Variants in CDIP1 observed in about 807,000 individuals in gnomAD.
CDIP1 encodes the protein cell death-inducing p53-target protein 1.
CDIP1 carries 9 observed loss-of-function variants against 17.7 expected under a neutral mutation model. The ratio of observed to expected loss-of-function variants is 0.51; its 90% confidence interval spans 0.31 to 0.89. CDIP1 has a LOEUF of 0.89. Among genes scored for constraint, CDIP1 ranks in the 40% least tolerant of loss-of-function variants. The probability of loss-of-function intolerance (pLI) is 0.05; values close to 1 mark genes in which losing one functional copy is unlikely to be tolerated. For missense variants in CDIP1, 263 were observed against 277.9 expected, an observed-to-expected ratio of 0.95 and a Z score of 0.38; for synonymous variants, 117 against 109.5, an observed-to-expected ratio of 1.07 and a Z score of -0.43.
intron 1 of CDIP1, among the ~76,000 whole-genome samples, chr16:4,537,623 G>A (rs1001318895): frequency 2.0e-5 from 3 of 152,212 alleles, no homozygotes; most frequent in African/African-American, 4.8e-5. Flanking sequence ...AGCTGCGCCC[G>A]GGAATGATCT....
At chr16:4,529,860 G>A (rs776919695) in intron 1 of CDIP1, among the ~76,000 whole-genome samples, 1 of 152,248 alleles carries the variant, frequency 6.6e-6, no homozygotes, top group Non-Finnish European at 1.5e-5. Flanking sequence ...CACCCAGGTG[G>A]AAGAGTCTTA....
chr16:4,527,541 A>AC (rs111245281), intron 1 of CDIP1, among the ~76,000 whole-genome samples: 4,431 of 152,236 alleles, frequency 0.029, 201 homozygotes, highest in African/African-American at 0.098. Flanking sequence ...CTCCTGGCAA[A>AC]CCACTCTCAC....
rs897283842 is a variant in CDIP1, at chr16:4,514,816, C to G, written c.-104-152G>C. 2 of 152,800 alleles carry G rather than the reference C, an allele frequency of 1.3e-5. No homozygotes were observed. The highest frequency in any genetic ancestry group is 4.8e-5 in the African/African-American group (2 of 41,468). 9.5% of individuals were successfully genotyped at this position (152,800 alleles called of 1,614,324 possible). On this transcript the variant is annotated intron_variant, in intron 1 of 5. Coordinates refer to ENST00000567695, the MANE Select transcript of CDIP1 (RefSeq NM_013399.3). The surrounding 1 kb of genome is among the most constrained non-coding windows in gnomAD (Gnocchi z 5.2). ...TCACTCTGCCATCCACACACCCGAC[C>G]ACCCCTCCATTCCTCGGTCCCGTCG...
intron 1 of CDIP1, among the ~76,000 whole-genome samples, chr16:4,522,960 G>C (rs2058965794): frequency 6.6e-6 from 1 of 152,204 alleles, no homozygotes; most frequent in Non-Finnish European, 1.5e-5. Flanking sequence ...ATTAAGTAAG[G>C]CATGGATATA....
Position 4,513,571 on chromosome 16 carries a change from G to T in CDIP1, c.241+125C>A. On this transcript the variant is annotated intron_variant, in intron 4 of 5. Coordinates refer to ENST00000567695, the MANE Select transcript of CDIP1 (RefSeq NM_013399.3). The surrounding 1 kb of genome is among the most constrained non-coding windows in gnomAD (Gnocchi z 4.1). Reference sequence around the variant, plus strand: ...ACACACAGCCTGAGCCCTAGGCAAGGGCTGGTTGGGCGTGTTGGAGTCCCT... The same window carrying T: ...ACACACAGCCTGAGCCCTAGGCAAGTGCTGGTTGGGCGTGTTGGAGTCCCT... 1.2e-6 allele frequency: 1 copy of T among 801,278 alleles called. No individual in the cohort carries two copies. Among genetic ancestry groups the T allele is most frequent in the Middle Eastern group, 3.8e-4 (1 of 2,642 alleles). The allele number at this position is 801,278 out of a possible 1,614,324, so 49.6% of individuals were successfully genotyped here.
chr16:4,530,396 T>C (rs1276939769), intron 1 of CDIP1, among the ~76,000 whole-genome samples: 1 of 152,212 alleles, frequency 6.6e-6, no homozygotes, highest in Non-Finnish European at 1.5e-5. Flanking sequence ...ACGCCTGTAA[T>C]CCCAGCACTT....
chr16:4,524,377 G>A (rs1048103172), intron 1 of CDIP1: 13 of 152,266 alleles, frequency 8.5e-5, no homozygotes, highest in African/African-American at 3.1e-4. Flanking sequence ...ACTGGAGATT[G>A]CCAGCTGCAC....
chr16:4,524,621 A>G (rs1453011752), intron 1 of CDIP1, among the ~76,000 whole-genome samples: 1 of 152,190 alleles, frequency 6.6e-6, no homozygotes, highest in South Asian at 2.1e-4. Context: ...GATAGATGCC[A>G]TGGCTCCAGT....
intron 1 of CDIP1, among the ~76,000 whole-genome samples, chr16:4,515,411 A>C (rs1204597300): frequency 6.6e-6 from 1 of 152,224 alleles, no homozygotes; most frequent in East Asian, 1.9e-4. Flanking sequence ...ACCTTCGATT[A>C]GGCAGTGGTT....
At position 4,527,293 on chromosome 16, in the gene CDIP1, T is replaced by A. The variant is rs182062066; in HGVS notation, c.-105+11409A>T. Among the ~76,000 whole-genome samples the A allele has an allele frequency of 1.8e-4, 28 of 152,182 alleles. No individual in the cohort carries two copies. In the East Asian group the frequency reaches 5.0e-3, roughly 27 times the overall value. ...TAGTAGAGACGGGGTTTCACCGTGT[T>A]AGCCAGGGTGGTCTTGATCTCATGA... On this transcript the variant is annotated intron_variant, in intron 1 of 5. Transcript: ENST00000567695.
In CDIP1 at chr16:4,512,308, G is replaced by A. The variant is rs879269187; in HGVS notation, c.*264C>T. ...GAGACCCCTCCCAGCTTATCTTCCCGATCACACACACCAAGCAGACCAACA... is the reference window on the plus strand; with the variant it reads ...GAGACCCCTCCCAGCTTATCTTCCCAATCACACACACCAAGCAGACCAACA... On this transcript the variant is annotated 3_prime_UTR_variant, in exon 6 of 6. Coordinates refer to ENST00000567695, the MANE Select transcript of CDIP1 (RefSeq NM_013399.3). The surrounding 1 kb of genome is among the most constrained non-coding windows in gnomAD (Gnocchi z 4.6). 2 of 554,206 alleles carry A rather than the reference G, an allele frequency of 3.6e-6. No individual in the cohort carries two copies. The highest frequency in any genetic ancestry group is 3.1e-5 in the Admixed American group (1 of 32,126). The allele number at this position is 554,206 out of a possible 1,614,324, so 34.3% of individuals were successfully genotyped here. A position where few individuals can be genotyped will look rare whatever the true frequency, so the allele number is the denominator to read the frequency against.
At chr16:4,526,476 G>A (rs549996468) in intron 1 of CDIP1, among the ~76,000 whole-genome samples, 5 of 152,002 alleles carry the variant, frequency 3.3e-5, no homozygotes, top group African/African-American at 4.8e-5. Context: ...CAAGGCAGGC[G>A]GATCACAGAT....
In CDIP1 at chr16:4,534,554, C is replaced by T. The variant is rs116456627; in HGVS notation, c.-105+4148G>A. 3.6e-3 allele frequency among the ~76,000 whole-genome samples: 550 copies of T among 152,308 alleles called. 8 individuals are homozygous for T. The highest frequency in any genetic ancestry group is 0.013 in the African/African-American group (524 of 41,566). ...AGTCACTTAGACACTCTGGCTGCTG[C>T]CTCAGCTGGCCAAGTCCCACTGTGC... is the stretch of plus-strand genomic sequence containing the variant. On this transcript the variant is annotated intron_variant, in intron 1 of 5. Transcript: ENST00000567695.
chr16:4,531,243 T>C (rs1174489988), intron 1 of CDIP1, among the ~76,000 whole-genome samples: 1 of 151,936 alleles, frequency 6.6e-6, no homozygotes, highest in East Asian at 1.9e-4. Flanking sequence ...TTAGCCAGGA[T>C]GGTCTCGATC....
At position 4,512,787 on chromosome 16, in the gene CDIP1, C is replaced by T; in HGVS notation, c.515+4G>A. On this transcript the variant is annotated splice_donor_region_variant and intron_variant, in intron 5 of 5. Coordinates refer to ENST00000567695, the MANE Select transcript of CDIP1 (RefSeq NM_013399.3). This position sits in a 1 kb window ranked among gnomAD's most constrained non-coding sequence, Gnocchi z 4.6. ...CCCACCCTACCAGTGCCCACACCAC[C>T]TACCCCATGAAGCAACAGAAGAAAC... The T allele has an allele frequency of 6.3e-7, 1 of 1,585,784 alleles. No individual in the cohort carries two copies. The highest frequency in any genetic ancestry group is 8.6e-7 in the Non-Finnish European group (1 of 1,165,630).
At chr16:4,538,254 A>G (rs1166763939) in intron 1 of CDIP1, 1 of 152,030 alleles carries the variant, frequency 6.6e-6, no homozygotes, top group Non-Finnish European at 1.5e-5. Context: ...GGGCCGCGCT[A>G]GGTCTCGGCA....
intron 1 of CDIP1, among the ~76,000 whole-genome samples, chr16:4,528,500 CTT>C (rs1463715703): frequency 6.6e-6 from 1 of 152,032 alleles, no homozygotes; most frequent in East Asian, 1.9e-4. Context: ...TAGGCAGCAC[CTT>C]TACATGACTC....
At chr16:4,529,899 C>T (rs939291822) in intron 1 of CDIP1, among the ~76,000 whole-genome samples, 1 of 152,252 alleles carries the variant, frequency 6.6e-6, no homozygotes, top group African/African-American at 2.4e-5. Flanking sequence ...CCTGGCCGTC[C>T]TTAGCCAGGG....
At chr16:4,527,221 G>C (rs915683615) in intron 1 of CDIP1, among the ~76,000 whole-genome samples, 7 of 151,914 alleles carry the variant, frequency 4.6e-5, no homozygotes, top group Admixed American at 2.0e-4. Context: ...CCGAGTAGCT[G>C]GGACTACAGG....
Sources: gnomAD v4.1 joint callset for allele counts (sites outside exome capture counted in the v4.1 genomes callset) on GRCh38, gnomAD v4.1.1 for gene constraint, Gnocchi (gnomAD v3.1) non-coding constraint, MANE v1.5 for transcripts, NCBI Gene and HGNC (gene_info 2026-07-23, HGNC 2026-07-21) for gene names.